Variants in DOCK8 observed in about 807,000 individuals in gnomAD.
The protein encoded by DOCK8 is dedicator of cytokinesis protein 8.
DOCK8 carries 141 observed loss-of-function variants against 245.6 expected under a neutral mutation model. The ratio of observed to expected loss-of-function variants is 0.57; its 90% confidence interval spans 0.50 to 0.66. The LOEUF (loss-of-function observed/expected upper bound fraction) is 0.66, where lower values mean the gene tolerates loss of function less well. Ranked by LOEUF, DOCK8 falls within the 30% of genes least tolerant of loss-of-function variation. DOCK8 has a pLI of 0.00. For synonymous variants in DOCK8, 1,168 were observed against 970.2 expected, an observed-to-expected ratio of 1.20 and a Z score of -3.79; for missense variants, 2,965 against 2,603.4, an observed-to-expected ratio of 1.14 and a Z score of -3.02.
At position 414,898 on chromosome 9, in the gene DOCK8, T is replaced by C. The variant is rs755913897; in HGVS notation, c.3647T>C (p.Leu1216Pro). 17 of 1,614,220 alleles carry C rather than the reference T, an allele frequency of 1.1e-5. No individual in the cohort carries two copies. Among genetic ancestry groups the C allele is most frequent in the Non-Finnish European group, 1.3e-5 (15 of 1,180,030 alleles). The change falls in exon 29 of 48, where the codon CTA becomes CCA. Residue 1216 changes from leucine (L) to proline (P), a missense_variant. By Grantham distance (98) the Leu-to-Pro change is moderately conservative (BLOSUM62 -3). Around this residue, in one of 3 missense-constraint regions of DOCK8, gnomAD observed 2,825 missense variants for 2,453.5 expected, o/e 1.15. Coordinates refer to ENST00000432829, the MANE Select transcript of DOCK8 (RefSeq NM_203447.4). ...EVKVKIAALY[L>P]PLVGIILDAL... ...AAGGTCAAAATCGCCGCCCTTTACC[T>C]ACCTTTAGTTGGCATCATTTTGGAT...
chr9:273,185 C>G (rs1587701682), intron 2 of DOCK8: 2 of 930,688 alleles, frequency 2.1e-6, no homozygotes, highest in Non-Finnish European at 2.6e-6. Flanking sequence ...TACGAAAAAC[C>G]TATAGCATCT....
chr9:356,402 C>T (rs887764091), intron 14 of DOCK8, among the ~76,000 whole-genome samples: 2 of 151,892 alleles, frequency 1.3e-5, no homozygotes, highest in Admixed American at 1.3e-4. Flanking sequence ...TGGTAGCAGG[C>T]GCCTGTAATC....
At chr9:231,831 T>C (rs1343363925) in intron 1 of DOCK8, among the ~76,000 whole-genome samples, 2 of 152,224 alleles carry the variant, frequency 1.3e-5, no homozygotes, top group African/African-American at 4.8e-5. Flanking sequence ...ATATAAATCA[T>C]GTCATCTGCA....
At chr9:427,760 A>C (rs2056553724) in intron 34 of DOCK8, among the ~76,000 whole-genome samples, 1 of 152,242 alleles carries the variant, frequency 6.6e-6, no homozygotes, top group Non-Finnish European at 1.5e-5. Context: ...AAAAATAAAC[A>C]CAAAAAGTAT....
chr9:380,844 C>A (rs1167488628), intron 21 of DOCK8: 2 of 155,314 alleles, frequency 1.3e-5, no homozygotes, highest in Non-Finnish European at 2.9e-5. Context: ...ACATCTGCAA[C>A]CCCAGCACTC....
rs941569159 is a variant in DOCK8, at chr9:313,664, C to T, written c.741+1498C>T. Among the ~76,000 whole-genome samples the T allele has an allele frequency of 3.3e-5, 5 of 152,264 alleles. No individual in the cohort carries two copies. In the East Asian group the frequency reaches 5.8e-4, roughly 18 times the overall value. The stretch of plus-strand genomic sequence containing the variant: ...CACAAAGTCTCAGGCGGGAGGAATA[C>T]GTTTTAGTGACCTATCGCACTGCAC... On this transcript the variant is annotated intron_variant, in intron 6 of 47. Coordinates refer to ENST00000432829, the MANE Select transcript of DOCK8 (RefSeq NM_203447.4).
chr9:370,046 TC>T (rs2053213943), intron 15 of DOCK8, 183 bp from the exon 16 acceptor site: 1 of 637,176 alleles, frequency 1.6e-6, no homozygotes, highest in South Asian at 1.8e-5. Context: ...CAAGCCATTC[TC>T]CCACGCCGAC....
chr9:393,871 A>T (rs907156948), intron 24 of DOCK8, among the ~76,000 whole-genome samples: 1 of 152,184 alleles, frequency 6.6e-6, no homozygotes, highest in African/African-American at 2.4e-5. Context: ...TCTGCTCAGC[A>T]TGTATGGGAG....
intron 28 of DOCK8, among the ~76,000 whole-genome samples, chr9:411,391 C>A (rs1411459955): frequency 1.3e-5 from 2 of 150,102 alleles, no homozygotes; most frequent in African/African-American, 4.9e-5. Context: ...CCAGCCTGGG[C>A]AACAAGAGCA....
intron 14 of DOCK8, among the ~76,000 whole-genome samples, chr9:353,057 T>G (rs1446199645): frequency 2.0e-5 from 3 of 152,180 alleles, no homozygotes; most frequent in Non-Finnish European, 4.4e-5. Context: ...TGCTTGGTGC[T>G]GAAATAGACA....
At chr9:464,106 C>T in intron 47 of DOCK8, 53 bp from the exon 48 acceptor site, 1 of 1,483,398 alleles carries the variant, frequency 6.7e-7, no homozygotes, top group Non-Finnish European at 9.4e-7. Flanking sequence ...CTGATCTTTT[C>T]TTGCTTCTGT....
intron 39 of DOCK8, among the ~76,000 whole-genome samples, chr9:435,342 T>A (rs2056863156): frequency 6.6e-6 from 1 of 152,136 alleles, no homozygotes; most frequent in East Asian, 1.9e-4. Context: ...TAGGAGACAT[T>A]TGCAAACACT....
At chr9:440,677 C>G (rs2057066928) in intron 40 of DOCK8, among the ~76,000 whole-genome samples, 1 of 152,190 alleles carries the variant, frequency 6.6e-6, no homozygotes, top group Non-Finnish European at 1.5e-5. Context: ...AACTGCCTTT[C>G]TGAATTGCTG....
chr9:248,289 A>T (rs1244715822), intron 1 of DOCK8, among the ~76,000 whole-genome samples: 1 of 152,116 alleles, frequency 6.6e-6, no homozygotes, highest in African/African-American at 2.4e-5. Flanking sequence ...GATTAACATC[A>T]CCTTTAAGCC....
rs570599739 is a variant in DOCK8 at position 315,590 on chromosome 9, T to G, written c.742-1453T>G. ...TAAAAGTCTTTATCTTTTAAAGATA[T>G]GTACTGAAATATTTATATATGTATA... is the stretch of plus-strand genomic sequence containing the variant. On this transcript the variant is annotated intron_variant, in intron 6 of 47. Transcript: ENST00000432829. 2.0e-5 allele frequency among the ~76,000 whole-genome samples: 3 copies of G among 152,320 alleles called. No individual in the cohort carries two copies. The East Asian group carries it at 5.8e-4, about 29-fold the overall frequency.
intron 7 of DOCK8, among the ~76,000 whole-genome samples, chr9:322,968 C>T (rs904420133): frequency 6.6e-6 from 1 of 151,858 alleles, no homozygotes; most frequent in Non-Finnish European, 1.5e-5. Flanking sequence ...TGGCACATGC[C>T]TGTAGTCACA....
At chr9:316,365 G>A (rs1261646853) in intron 6 of DOCK8, among the ~76,000 whole-genome samples, 2 of 152,154 alleles carry the variant, frequency 1.3e-5, no homozygotes, top group African/African-American at 4.8e-5. Flanking sequence ...AGATGTTAAG[G>A]TTACAATAGG....
chr9:338,878 A>T, intron 12 of DOCK8, 128 bp from the exon 13 acceptor site: 1 of 764,138 alleles, frequency 1.3e-6, no homozygotes, highest in Non-Finnish European at 2.3e-6. Context: ...AGAGCTGTCT[A>T]TAATCCTAAT....
intron 2 of DOCK8, chr9:273,105 G>A: frequency 1.0e-6 from 1 of 985,380 alleles, no homozygotes; most frequent in Non-Finnish European, 1.2e-6. Context: ...TCAAAGGTAT[G>A]TTTTACTGGA....
Sources: gnomAD v4.1 joint callset for allele counts (sites outside exome capture counted in the v4.1 genomes callset) on GRCh38, gnomAD v4.1.1 for gene constraint, gnomAD v4.1.1 regional missense constraint, MANE v1.5 for transcripts, NCBI Gene and HGNC (gene_info 2026-07-23, HGNC 2026-07-21) for gene names.